ZSCAN22: variants seen among roughly 807,000 people sequenced by gnomAD.
ZSCAN22 encodes the protein zinc finger and SCAN domain-containing protein 22.
A neutral mutation model predicts 12.4 loss-of-function variants in ZSCAN22; 7 were observed. That is an observed-to-expected ratio of 0.57 (90% CI 0.32 to 1.06). ZSCAN22 has a LOEUF of 1.06. Among genes scored for constraint, ZSCAN22 ranks in the 50% least tolerant of loss-of-function variants. The pLI is 0.04. For synonymous variants in ZSCAN22, 243 were observed against 255.9 expected, an observed-to-expected ratio of 0.95 and a Z score of 0.48; for missense variants, 576 against 631.7, an observed-to-expected ratio of 0.91 and a Z score of 0.94.
rs1355815923 is a variant in ZSCAN22 at position 58,335,790 on chromosome 19, T to A, written c.403+585T>A. On this transcript the variant is annotated intron_variant, in intron 2 of 2. Coordinates refer to ENST00000329665, the MANE Select transcript of ZSCAN22 (RefSeq NM_181846.3). This position sits in a 1 kb window ranked among gnomAD's most constrained non-coding sequence, Gnocchi z 4.1. ...GTGACGGAAATACCAGATGTCCCTG[T>A]GTACCTTCTCTATGCCCACCCTGGG... 1.3e-5 allele frequency among the ~76,000 whole-genome samples: 2 copies of A among 152,226 alleles called. No individual in the cohort carries two copies. The highest frequency in any genetic ancestry group is 2.4e-5 in the African/African-American group (1 of 41,468).
In ZSCAN22 at chr19:58,335,333, C is replaced by G; in HGVS notation, c.403+128C>G. 2 of 1,250,138 alleles carry G rather than the reference C, an allele frequency of 1.6e-6. No individual in the cohort carries two copies. Among genetic ancestry groups the G allele is most frequent in the East Asian group, 5.1e-5 (2 of 39,056 alleles). 77.4% of individuals were successfully genotyped at this position (1,250,138 alleles called of 1,614,324 possible). On this transcript the variant is annotated intron_variant, in intron 2 of 2. Coordinates refer to ENST00000329665, the MANE Select transcript of ZSCAN22 (RefSeq NM_181846.3). This position sits in a 1 kb window ranked among gnomAD's most constrained non-coding sequence, Gnocchi z 4.1. ...CTCACATTTGTACTTTACCGTAACT[C>G]TCACACACTGTTGTAGACAGGTGTG...
intron 2 of ZSCAN22, among the ~76,000 whole-genome samples, chr19:58,336,693 T>G (rs1379225517): frequency 6.6e-6 from 1 of 152,232 alleles, no homozygotes; most frequent in Non-Finnish European, 1.5e-5. Context: ...TTTCCCCATC[T>G]GCAACAGAAT....
intron 1 of ZSCAN22, among the ~76,000 whole-genome samples, chr19:58,333,930 A>G (rs61096651): frequency 0.093 from 14,231 of 152,340 alleles, 1,023 homozygotes; most frequent in African/African-American, 0.18. Context: ...CTAAATGATA[A>G]TGAAGATACA....
intron 1 of ZSCAN22, among the ~76,000 whole-genome samples, chr19:58,332,269 T>C (rs1018519676): frequency 1.8e-5 from 1 of 57,130 alleles, no homozygotes; most frequent in South Asian, 5.3e-4. Flanking sequence ...ACTAATATGC[T>C]TTTTTTTTTT....
chr19:58,334,418 G>T (rs1414621749), intron 1 of ZSCAN22, among the ~76,000 whole-genome samples: 2 of 152,148 alleles, frequency 1.3e-5, no homozygotes, highest in Non-Finnish European at 2.9e-5. Flanking sequence ...CCGGGTTCAC[G>T]CCATTCTCCT....
chr19:58,332,639 T>C (rs1168396433), intron 1 of ZSCAN22, among the ~76,000 whole-genome samples: 1 of 152,252 alleles, frequency 6.6e-6, no homozygotes, highest in Non-Finnish European at 1.5e-5. Context: ...CATTAATCAG[T>C]ACTTCATTTC....
intron 1 of ZSCAN22, among the ~76,000 whole-genome samples, chr19:58,334,190 C>A (rs1191258850): frequency 6.6e-6 from 1 of 152,168 alleles, no homozygotes; most frequent in Non-Finnish European, 1.5e-5. Context: ...GGGTTTGTAG[C>A]TTAGCTCTCT....
chr19:58,337,400 A>G (rs144424685), intron 2 of ZSCAN22, among the ~76,000 whole-genome samples: 2 of 150,412 alleles, frequency 1.3e-5, no homozygotes, highest in East Asian at 4.0e-4. Context: ...ACAGAACTCC[A>G]ACCCCACAGA....
At position 58,341,378 on chromosome 19, in the gene ZSCAN22, G is replaced by C. The variant is rs1159250270; in HGVS notation, c.*2052G>C. On this transcript the variant is annotated 3_prime_UTR_variant, in exon 3 of 3. Coordinates refer to ENST00000329665, the MANE Select transcript of ZSCAN22 (RefSeq NM_181846.3). The stretch of plus-strand genomic sequence containing the variant: ...TCCCTGTCTATCACTGGATGCTGCA[G>C]CTTCTGTTCATTACTGTTAGTGTAT... The C allele has an allele frequency of 6.6e-6, 1 of 152,186 alleles. No homozygotes were observed. The highest frequency in any genetic ancestry group is 1.5e-5 in the Non-Finnish European group (1 of 68,062). 9.4% of individuals were successfully genotyped at this position (152,186 alleles called of 1,614,324 possible).
At chr19:58,334,683 T>C in intron 1 of ZSCAN22, 69 bp from the exon 2 acceptor site, 1 of 1,182,262 alleles carries the variant, frequency 8.5e-7, no homozygotes, top group Non-Finnish European at 1.2e-6. Context: ...AGCCTGTGTT[T>C]TCCCTGCTCT....
intron 1 of ZSCAN22, among the ~76,000 whole-genome samples, chr19:58,328,444 G>A (rs1216831984): frequency 6.6e-6 from 1 of 152,132 alleles, no homozygotes; most frequent in East Asian, 1.9e-4. Flanking sequence ...AGGGGGCTAT[G>A]GTATCCATAC....
chr19:58,331,480 G>C (rs1600485337), intron 1 of ZSCAN22, among the ~76,000 whole-genome samples: 1 of 150,690 alleles, frequency 6.6e-6, no homozygotes, highest in African/African-American at 2.4e-5. Context: ...CTCCCAAAGT[G>C]CTGGGATTAC....
intron 1 of ZSCAN22, among the ~76,000 whole-genome samples, chr19:58,333,396 C>G (rs12461305): frequency 6.6e-6 from 1 of 152,198 alleles, no homozygotes; most frequent in African/African-American, 2.4e-5. Context: ...TAACCATACA[C>G]TGGGTCACAA....
In ZSCAN22 at chr19:58,334,925, C is replaced by A. The variant is rs368777825; in HGVS notation, c.123C>A (p.His41Gln). Residue 41 changes from histidine to glutamine, a missense_variant, in exon 2 of 3, where the codon CAC becomes CAA. His to Gln is a conservative substitution (Grantham distance 24). Transcript: ENST00000329665. ...AGGGCGGAGAATCCAGCCATGACCA[C>A]ATTGCTCACTCTGAGGCTGCACGCC... is the stretch of plus-strand genomic sequence containing the variant. ...LSQGGESSHDHIAHSEAARLR... is the reference protein window; with the variant it reads ...LSQGGESSHDQIAHSEAARLR... 1.2e-6 allele frequency: 2 copies of A among 1,614,174 alleles called. No individual in the cohort carries two copies. Among genetic ancestry groups the A allele is most frequent in the Non-Finnish European group, 1.7e-6 (2 of 1,180,042 alleles).
At position 58,334,807 on chromosome 19, in the gene ZSCAN22, C is replaced by G. The variant is rs1185901753; in HGVS notation, c.5C>G (p.Ala2Gly). The stretch of plus-strand genomic sequence containing the variant: ...CTCACTGAGCACTGCTGCCCGATGG[C>G]CATCCCCAAGCACTCCCTGAGCCCA... Reference protein sequence around the residue: MAIPKHSLSPVP... With the variant: MGIPKHSLSPVP... The change falls in exon 2 of 3, where the codon GCC becomes GGC. Residue 2 changes from alanine to glycine, a missense_variant. Transcript: ENST00000329665. 6.3e-7 allele frequency: 1 copy of G among 1,597,134 alleles called. No homozygotes were observed. The highest frequency in any genetic ancestry group is 1.7e-5 in the Admixed American group (1 of 59,470).
intron 1 of ZSCAN22, among the ~76,000 whole-genome samples, chr19:58,334,348 G>C (rs12461914): frequency 3.9e-5 from 6 of 152,122 alleles, no homozygotes; most frequent in Admixed American, 3.9e-4. Flanking sequence ...ACAGAGTCTT[G>C]TTCTGTTGCG....
chr19:58,334,908 G>A lies in ZSCAN22; in HGVS notation c.106G>A (p.Glu36Lys), dbSNP rs756236954. 6.2e-6 allele frequency: 10 copies of A among 1,614,010 alleles called. No individual in the cohort carries two copies. The highest frequency in any genetic ancestry group is 8.5e-6 in the Non-Finnish European group (10 of 1,180,048). ...GGAAGCCAGCCTCTCCCAGGGCGGA[G>A]AATCCAGCCATGACCACATTGCTCA... ...EEEASLSQGG[E>K]SSHDHIAHSE... Residue 36 changes from glutamate to lysine, a missense_variant, in exon 2 of 3, where the codon GAA (glutamate) becomes AAA (lysine). Coordinates refer to ENST00000329665, the MANE Select transcript of ZSCAN22 (RefSeq NM_181846.3).
rs1487475399 is a variant in ZSCAN22, at chr19:58,334,959, C to T, written c.157C>T (p.Arg53Trp). 7 of 1,613,998 alleles carry T rather than the reference C, an allele frequency of 4.3e-6. No individual in the cohort carries two copies. The highest frequency in any genetic ancestry group is 2.2e-5 in the East Asian group (1 of 44,896). Residue 53 changes from arginine (R) to tryptophan (W), a missense_variant, in exon 2 of 3, where the codon CGG becomes TGG. Coordinates refer to ENST00000329665, the MANE Select transcript of ZSCAN22 (RefSeq NM_181846.3). ...CTCTGAGGCTGCACGCCTGCGCTTC[C>T]GGCACTTCCGCTATGAGGAGGCATC... ...AHSEAARLRF[R>W]HFRYEEASGP...
chr19:58,334,635 A>G (rs73060214), intron 1 of ZSCAN22, 117 bp from the exon 2 acceptor site: 15,528 of 737,180 alleles, frequency 0.021, 215 homozygotes, highest in Non-Finnish European at 0.027. Flanking sequence ...AGGATTGTCT[A>G]TGTCTTTGTG....
Sources: allele counts gnomAD v4.1 joint callset (sites outside exome capture counted in the v4.1 genomes callset), GRCh38; gene constraint gnomAD v4.1.1; non-coding constraint Gnocchi (gnomAD v3.1); transcripts MANE v1.5; gene names NCBI Gene and HGNC (gene_info 2026-07-23, HGNC 2026-07-21).